Variants in CDH19 observed in about 807,000 individuals in gnomAD.
The protein encoded by CDH19 is cadherin 19.
In CDH19, 67 loss-of-function variants were observed where a neutral mutation model predicts 64.2. That is an observed-to-expected ratio of 1.04 (90% CI 0.86 to 1.28). The LOEUF (loss-of-function observed/expected upper bound fraction) is 1.28. CDH19 is among the 50% of genes most tolerant of loss of function. The probability of loss-of-function intolerance (pLI) is 0.00; values close to 1 mark genes in which losing one functional copy is unlikely to be tolerated. For missense variants in CDH19, 1,030 were observed against 929.0 expected, an observed-to-expected ratio of 1.11 and a Z score of -1.41; for synonymous variants, 346 against 319.3, an observed-to-expected ratio of 1.08 and a Z score of -0.89.
intron 1 of CDH19, among the ~76,000 whole-genome samples, chr18:66,584,859 G>A (rs1218275142): frequency 2.6e-5 from 4 of 151,948 alleles, no homozygotes; most frequent in African/African-American, 7.2e-5. Flanking sequence ...ATATACTACA[G>A]AAAAATAAAA....
Position 66,501,144 on chromosome 18 carries a change from G to A in CDH19, c.*3668C>T, listed in dbSNP as rs968211505. 9 of 151,998 alleles carry A rather than the reference G, an allele frequency of 5.9e-5. No individual in the cohort carries two copies. The highest frequency in any genetic ancestry group is 2.2e-4 in the African/African-American group (9 of 41,402). The allele number at this position is 151,998 out of a possible 1,614,324, so 9.4% of individuals were successfully genotyped here. Reference sequence around the variant, plus strand: ...TAAAAATAGTCAATGGAAACCAAAAGAATTTCTACAAGTCACTAAGTAAAA... The same window carrying A: ...TAAAAATAGTCAATGGAAACCAAAAAAATTTCTACAAGTCACTAAGTAAAA... On this transcript the variant is annotated 3_prime_UTR_variant, in exon 12 of 12. Transcript: ENST00000262150.
Position 66,504,682 on chromosome 18 carries a change from T to C in CDH19, c.*130A>G. On this transcript the variant is annotated 3_prime_UTR_variant, in exon 12 of 12. Coordinates refer to ENST00000262150, the MANE Select transcript of CDH19 (RefSeq NM_021153.4). The stretch of plus-strand genomic sequence containing the variant: ...CTTAAAATAACCATGGAGTATTTAC[T>C]CCAGGGAAATCAGAAAACTCCATAG... The C allele has an allele frequency of 1.1e-6, 1 of 876,370 alleles. No homozygotes were observed. The highest frequency in any genetic ancestry group is 1.7e-6 in the Non-Finnish European group (1 of 590,760). 54.3% of individuals were successfully genotyped at this position (876,370 alleles called of 1,614,324 possible). A position where few individuals can be genotyped will look rare whatever the true frequency, so the allele number is the denominator to read the frequency against.
At chr18:66,557,241 G>A (rs1987551799) in intron 3 of CDH19, among the ~76,000 whole-genome samples, 1 of 151,894 alleles carries the variant, frequency 6.6e-6, no homozygotes, top group Non-Finnish European at 1.5e-5. Context: ...TGCCTGCTCA[G>A]TAACCTACTG....
chr18:66,530,885 T>G (rs1450149608), intron 8 of CDH19, among the ~76,000 whole-genome samples: 1 of 152,108 alleles, frequency 6.6e-6, no homozygotes, highest in Non-Finnish European at 1.5e-5. Flanking sequence ...CAAACTGTAT[T>G]CAGACATTGT....
intron 1 of CDH19, among the ~76,000 whole-genome samples, chr18:66,573,520 C>T (rs755076311): frequency 3.0e-4 from 45 of 151,422 alleles, no homozygotes; most frequent in Non-Finnish European, 1.8e-4. Flanking sequence ...CTTTATGTTA[C>T]GTATTTGAAA....
At chr18:66,521,916 C>CTGTTGTTGT (rs201747306) in intron 9 of CDH19, among the ~76,000 whole-genome samples, 76 of 111,510 alleles carry the variant, frequency 6.8e-4, no homozygotes, top group African/African-American at 2.5e-3. Context: ...GTTACTTGTT[C>CTGTTGTTGT]TGTTGTTGTT....
intron 1 of CDH19, among the ~76,000 whole-genome samples, chr18:66,576,524 T>A (rs1045783809): frequency 9.2e-5 from 14 of 151,712 alleles, no homozygotes; most frequent in African/African-American, 3.4e-4. Context: ...TGTCATTTCA[T>A]AATATAAAAC....
Position 66,503,416 on chromosome 18 carries a change from T to C in CDH19, c.*1396A>G, listed in dbSNP as rs1295661337. On this transcript the variant is annotated 3_prime_UTR_variant, in exon 12 of 12. Transcript: ENST00000262150. Reference sequence around the variant, plus strand: ...ACAGAAAAGCAAATACTGAGAATTGTATCATGTTTTATCCCATGAATGGTA... The same window carrying C: ...ACAGAAAAGCAAATACTGAGAATTGCATCATGTTTTATCCCATGAATGGTA... 6.6e-6 allele frequency: 1 copy of C among 151,886 alleles called. No individual in the cohort carries two copies. The highest frequency in any genetic ancestry group is 1.5e-5 in the Non-Finnish European group (1 of 67,846). 9.4% of individuals were successfully genotyped at this position (151,886 alleles called of 1,614,324 possible).
intron 10 of CDH19, 66 bp from the exon 11 acceptor site, chr18:66,509,312 CAT>C (rs1985357540): frequency 1.5e-6 from 2 of 1,377,730 alleles, no homozygotes; most frequent in East Asian, 2.3e-5. Flanking sequence ...GTAATAGTCA[CAT>C]GTGCTAGGGA....
rs1343001038 is a variant in CDH19 at position 66,529,982 on chromosome 18, A to G, written c.1337-16T>C. On this transcript the variant is annotated splice_polypyrimidine_tract_variant and intron_variant, in intron 8 of 11. Transcript: ENST00000262150. ...TCTATATTGTCTGCAATTTGAATAT[A>G]TATAATAAAAATCTAACATATTTTA... 7.5e-7 allele frequency: 1 copy of G among 1,330,242 alleles called. No homozygotes were observed. Among genetic ancestry groups the G allele is most frequent in the South Asian group, 1.6e-5 (1 of 61,814 alleles). The allele number at this position is 1,330,242 out of a possible 1,614,324, so 82.4% of individuals were successfully genotyped here.
At chr18:66,543,838 G>A in intron 7 of CDH19, 133 bp downstream of exon 7, 1 of 635,414 alleles carries the variant, frequency 1.6e-6, no homozygotes, top group Non-Finnish European at 2.6e-6. Context: ...AGCTGAGATT[G>A]CGCCACTGTA....
At chr18:66,536,320 A>G (rs532330931) in intron 7 of CDH19, among the ~76,000 whole-genome samples, 1 of 151,898 alleles carries the variant, frequency 6.6e-6, no homozygotes, top group South Asian at 2.1e-4. Context: ...AGGACTCAAT[A>G]GAAATCACGA....
chr18:66,512,949 G>A (rs1049598568), intron 9 of CDH19, among the ~76,000 whole-genome samples: 11 of 151,416 alleles, frequency 7.3e-5, no homozygotes, highest in East Asian at 1.9e-4. Context: ...TTTGTCACAC[G>A]ACAAACTATT....
At chr18:66,584,254 G>A (rs1165672989) in intron 1 of CDH19, among the ~76,000 whole-genome samples, 1 of 151,908 alleles carries the variant, frequency 6.6e-6, no homozygotes, top group Non-Finnish European at 1.5e-5. Flanking sequence ...AAAAAGCTCA[G>A]TCTCACTTAT....
At chr18:66,539,161 T>C (rs1219736369) in intron 7 of CDH19, among the ~76,000 whole-genome samples, 1 of 152,160 alleles carries the variant, frequency 6.6e-6, no homozygotes, top group Non-Finnish European at 1.5e-5. Flanking sequence ...ACTCACATAT[T>C]ACTGGGCATT....
At position 66,505,112 on chromosome 18, in the gene CDH19, G is replaced by C. The variant is rs1985123936; in HGVS notation, c.2019C>G (p.Thr673=). ...ATAGGCTCCTGATCTCAGCGCTTGT[G>C]GTTTTCCGAGTCTTGCGTTCCCGCA... ...TIMRERKTRK[T]TSAEIRSLYR... The change falls in exon 12 of 12, where the codon ACC becomes ACG. Residue 673 remains threonine (T), a synonymous_variant. Coordinates refer to ENST00000262150, the MANE Select transcript of CDH19 (RefSeq NM_021153.4). The C allele has an allele frequency of 6.2e-7, 1 of 1,613,548 alleles. No homozygotes were observed. Among genetic ancestry groups the C allele is most frequent in the Non-Finnish European group, 8.5e-7 (1 of 1,179,724 alleles).
intron 2 of CDH19, among the ~76,000 whole-genome samples, chr18:66,571,099 C>CGTGT (rs558011221): frequency 1.3e-5 from 2 of 150,434 alleles, no homozygotes; most frequent in African/African-American, 4.9e-5. Flanking sequence ...TGTGTGTATG[C>CGTGT]GTGTGTGTGT....
At chr18:66,600,939 G>A (rs1244524590) in intron 1 of CDH19, among the ~76,000 whole-genome samples, 5 of 151,828 alleles carry the variant, frequency 3.3e-5, no homozygotes, top group African/African-American at 1.2e-4. Context: ...CACCTGACGA[G>A]TGACATTATA....
intron 8 of CDH19, 51 bp downstream of exon 8, chr18:66,534,935 T>A: frequency 7.6e-7 from 1 of 1,321,452 alleles, no homozygotes; most frequent in Non-Finnish European, 1.0e-6. Flanking sequence ...AATTTGTAAT[T>A]ATTTACAAAA....
Sources: allele counts gnomAD v4.1 joint callset (sites outside exome capture counted in the v4.1 genomes callset), GRCh38; gene constraint gnomAD v4.1.1; transcripts MANE v1.5; gene names NCBI Gene and HGNC (gene_info 2026-07-23, HGNC 2026-07-21).